ACVR1: variants seen among roughly 807,000 people sequenced by gnomAD.
ACVR1 encodes activin A receptor type 1, also known as activin receptor type-1.
ACVR1 carries 38 observed loss-of-function variants against 57.1 expected under a neutral mutation model. That is an observed-to-expected ratio of 0.67 (90% CI 0.51 to 0.87). The LOEUF is 0.87. Among genes scored for constraint, ACVR1 ranks in the 40% least tolerant of loss-of-function variants. ACVR1 has a pLI of 0.00. For synonymous variants in ACVR1, 212 were observed against 228.1 expected (o/e 0.93, Z 0.63); for missense variants, 463 against 638.2 (o/e 0.73, Z 2.96).
chr2:157,752,974 T>A (rs1316162011), intron 9 of ACVR1, among the ~76,000 whole-genome samples: 1 of 152,144 alleles, frequency 6.6e-6, no homozygotes, highest in Non-Finnish European at 1.5e-5. Context: ...ATACTAACCT[T>A]GAATGTAAAT....
chr2:157,738,445 C>A lies in ACVR1; in HGVS notation c.1390G>T (p.Asp464Tyr). ...TGAGAAACTGGCATTCTTACCGGGT[C>A]TGAGAACCATCTGTTGGGTATGTTT... Reference protein sequence around the residue: ...RPNIPNRWFSDPTLTSLAKLM... With the variant: ...RPNIPNRWFSYPTLTSLAKLM... The change falls in exon 10 of 11, where the codon GAC (aspartate) becomes TAC (tyrosine). Residue 464 changes from aspartate (D) to tyrosine (Y), a missense_variant. Physicochemically the swap from Asp to Tyr is radical, Grantham distance 160 (BLOSUM62 -3). Coordinates refer to ENST00000434821, the MANE Select transcript of ACVR1 (RefSeq NM_001111067.4). 6.2e-7 allele frequency: 1 copy of A among 1,614,074 alleles called. No homozygotes were observed. Among genetic ancestry groups the A allele is most frequent in the Non-Finnish European group, 8.5e-7 (1 of 1,179,944 alleles).
chr2:157,820,289 C>T (rs1688116836), intron 1 of ACVR1, among the ~76,000 whole-genome samples: 1 of 152,202 alleles, frequency 6.6e-6, no homozygotes, highest in Non-Finnish European at 1.5e-5. Context: ...AAAACAAACT[C>T]GCACCCGCAA....
intron 1 of ACVR1, among the ~76,000 whole-genome samples, chr2:157,844,798 GA>G (rs761773589): frequency 6.6e-6 from 1 of 152,062 alleles, no homozygotes; most frequent in Non-Finnish European, 1.5e-5. Flanking sequence ...AAGAGGGGGG[GA>G]GCCTTTGGTG....
chr2:157,826,120 G>A (rs1457448665), intron 1 of ACVR1, among the ~76,000 whole-genome samples: 1 of 152,174 alleles, frequency 6.6e-6, no homozygotes, highest in African/African-American at 2.4e-5. Flanking sequence ...ACTTTTACAA[G>A]AGTTCGCAAG....
At chr2:157,777,977 T>TG (rs1474140679) in intron 5 of ACVR1, among the ~76,000 whole-genome samples, 154 bp downstream of exon 5, 5 of 152,188 alleles carry the variant, frequency 3.3e-5, no homozygotes, top group Non-Finnish European at 7.3e-5. Context: ...ACTACACAGG[T>TG]GCCAGCATGT....
intron 1 of ACVR1, among the ~76,000 whole-genome samples, chr2:157,825,207 T>C (rs150622538): frequency 1.1e-4 from 17 of 152,346 alleles, no homozygotes; most frequent in African/African-American, 3.6e-4. Context: ...ACAGGAGGCC[T>C]TTCTATAAGC....
intron 1 of ACVR1, among the ~76,000 whole-genome samples, chr2:157,868,751 A>G (rs184645365): frequency 3.4e-4 from 52 of 152,332 alleles, no homozygotes; most frequent in Admixed American, 2.5e-3. Flanking sequence ...AGTTACATGT[A>G]TAATTATTCA....
chr2:157,757,156 T>A (rs941125285), intron 9 of ACVR1, among the ~76,000 whole-genome samples: 12 of 150,934 alleles, frequency 8.0e-5, no homozygotes, highest in Admixed American at 5.3e-4. Flanking sequence ...GAAAGACTTC[T>A]GAACTTGAAA....
At chr2:157,738,692 C>A (rs1273455927) in intron 9 of ACVR1, 122 bp from the exon 10 acceptor site, 89 of 1,465,028 alleles carry the variant, frequency 6.1e-5, no homozygotes, top group Non-Finnish European at 8.4e-5. Context: ...CTTCCTCATA[C>A]CTCAGGGCAG....
intron 9 of ACVR1, among the ~76,000 whole-genome samples, chr2:157,750,679 G>T (rs1175721947): frequency 6.6e-6 from 1 of 151,418 alleles, no homozygotes; most frequent in Non-Finnish European, 1.5e-5. Flanking sequence ...GAGACACAAA[G>T]AACATGAAAA....
In ACVR1 at chr2:157,760,920, T is replaced by A. The variant is rs1159112177; in HGVS notation, c.1224A>T (p.Gly408=). 2 of 1,614,032 alleles carry A rather than the reference T, an allele frequency of 1.2e-6. No homozygotes were observed. Among genetic ancestry groups the A allele is most frequent in the Non-Finnish European group, 1.7e-6 (2 of 1,179,980 alleles). ...SYKRVDIWAF[G]LVLWEVARRM... is the part of the protein sequence containing the mutation. Reference sequence around the variant, plus strand: ...GCCTGGCCACTTCCCACAAAACAAGTCCAAAGGCCCAAATATCGACCCTTT... The same window carrying A: ...GCCTGGCCACTTCCCACAAAACAAGACCAAAGGCCCAAATATCGACCCTTT... Residue 408 remains glycine, a synonymous_variant, in exon 9 of 11, where the codon GGA becomes GGT. Transcript: ENST00000434821.
At chr2:157,838,491 T>C (rs1048566713) in intron 1 of ACVR1, among the ~76,000 whole-genome samples, 3 of 152,122 alleles carry the variant, frequency 2.0e-5, no homozygotes, top group Non-Finnish European at 2.9e-5. Flanking sequence ...GAAAAAACAA[T>C]AAAGACCCTT....
At chr2:157,861,048 A>G (rs908214798) in intron 1 of ACVR1, among the ~76,000 whole-genome samples, 7 of 152,200 alleles carry the variant, frequency 4.6e-5, no homozygotes, top group African/African-American at 1.7e-4. Flanking sequence ...CTGTGCCTAG[A>G]AGGCCCTTTC....
rs572584205 is a variant in ACVR1 at position 157,770,934 on chromosome 2, C to T, written c.644-420G>A. On this transcript the variant is annotated intron_variant, in intron 6 of 10. Transcript: ENST00000434821. ...AGCCAAAAAAGTGTACATCAGTAAA[C>T]TGAATTCCTTCCTTGGTTCCTTCCC... Among the ~76,000 whole-genome samples the T allele has an allele frequency of 4.9e-4, 74 of 152,306 alleles. 1 individual carries two copies. Among genetic ancestry groups the T allele is most frequent in the African/African-American group, 1.7e-3 (72 of 41,562 alleles).
intron 3 of ACVR1, among the ~76,000 whole-genome samples, chr2:157,795,609 T>C (rs866156433): frequency 1.8e-4 from 27 of 152,318 alleles, no homozygotes; most frequent in Middle Eastern, 6.8e-3. Context: ...TGGTGGTATA[T>C]TAAATAGCAA....
intron 2 of ACVR1, among the ~76,000 whole-genome samples, chr2:157,808,180 T>A (rs1388911944): frequency 1.3e-5 from 2 of 152,154 alleles, no homozygotes; most frequent in South Asian, 2.1e-4. Flanking sequence ...AATAAATAAA[T>A]TTTTTATTGT....
chr2:157,819,049 G>C (rs1488454787), intron 1 of ACVR1, among the ~76,000 whole-genome samples: 1 of 113,132 alleles, frequency 8.8e-6, no homozygotes, highest in Non-Finnish European at 1.6e-5. Flanking sequence ...CTGCACTCCA[G>C]CCTGGGTGAC....
At chr2:157,831,436 C>G (rs1456013254) in intron 1 of ACVR1, among the ~76,000 whole-genome samples, 1 of 151,854 alleles carries the variant, frequency 6.6e-6, no homozygotes, top group East Asian at 1.9e-4. Context: ...TGAAAATAAC[C>G]CAGAAGTCTT....
intron 9 of ACVR1, among the ~76,000 whole-genome samples, chr2:157,754,670 T>C (rs1685348844): frequency 6.6e-6 from 1 of 152,158 alleles, no homozygotes; most frequent in African/African-American, 2.4e-5. Context: ...AGCCGAATTC[T>C]ATCAGACATT....
Sources: gnomAD v4.1 joint callset for allele counts (sites outside exome capture counted in the v4.1 genomes callset) on GRCh38, gnomAD v4.1.1 for gene constraint, MANE v1.5 for transcripts, NCBI Gene and HGNC (gene_info 2026-07-23, HGNC 2026-07-21) for gene names.